Variants in PCDHGA9 observed in about 807,000 individuals in gnomAD.
PCDHGA9 encodes the protein protocadherin gamma subfamily A, 9, also known as protocadherin gamma-A9.
A neutral mutation model predicts 62.5 loss-of-function variants in PCDHGA9; 37 were observed. The observed-to-expected ratio is 0.59, with a 90% CI of 0.46 to 0.78. PCDHGA9 has a LOEUF of 0.78. Ranked by LOEUF, PCDHGA9 falls within the 30% of genes least tolerant of loss-of-function variation. The pLI is 0.00. For missense variants in PCDHGA9, 1,138 were observed against 1,166.2 expected (o/e 0.98, Z 0.35); for synonymous variants, 459 against 484.6 (o/e 0.95, Z 0.69).
At chr5:141,445,751 G>A (rs1211416281) in intron 1 of PCDHGA9, among the ~76,000 whole-genome samples, 1 of 152,102 alleles carries the variant, frequency 6.6e-6, no homozygotes, top group East Asian at 1.9e-4. Context: ...AAAAATAAAA[G>A]GTGTGACTCA....
intron 2 of PCDHGA9, 91 bp from the exon 3 acceptor site, chr5:141,505,302 G>C: frequency 6.3e-7 from 1 of 1,592,714 alleles, no homozygotes. Context: ...TAGGGTTAGG[G>C]TACTAGGTTT....
intron 1 of PCDHGA9, chr5:141,410,816 A>G (rs2095424614): frequency 1.8e-6 from 1 of 550,516 alleles, no homozygotes; most frequent in African/African-American, 2.1e-5. Flanking sequence ...TTTGTAAAAT[A>G]ATGTCACCAG....
At chr5:141,495,437 C>T (rs2099761356) in intron 2 of PCDHGA9, among the ~76,000 whole-genome samples, 1 of 152,178 alleles carries the variant, frequency 6.6e-6, no homozygotes, top group East Asian at 1.9e-4. Flanking sequence ...GTCCTCTGCC[C>T]CTACTTGTCC....
rs558972594 is a variant in PCDHGA9 at position 141,485,292 on chromosome 5, A to G, written c.2425-9515A>G. ...CGCTACCCGGTCCCAGAGGAGTCAC[A>G]GGAAGGGACTTTTGTAGGGAATGTC... On this transcript the variant is annotated intron_variant, in intron 1 of 3. Coordinates refer to ENST00000573521, the MANE Select transcript of PCDHGA9 (RefSeq NM_018921.3). The surrounding 1 kb of genome is among the most constrained non-coding windows in gnomAD (Gnocchi z 5.7). 1 of 1,614,120 alleles carries G rather than the reference A, an allele frequency of 6.2e-7. No individual in the cohort carries two copies. Among genetic ancestry groups the G allele is most frequent in the African/African-American group, 1.3e-5 (1 of 75,058 alleles).
rs1036126623 is a variant in PCDHGA9 at position 141,410,753 on chromosome 5, T to C, written c.2424+5377T>C. The stretch of plus-strand genomic sequence containing the variant: ...AGCTTTTTACAATATTTTCTCAATG[T>C]TTTTTCAATTATAGTTTTCACTATG... On this transcript the variant is annotated intron_variant, in intron 1 of 3. Coordinates refer to ENST00000573521, the MANE Select transcript of PCDHGA9 (RefSeq NM_018921.3). 2.4e-6 allele frequency: 3 copies of C among 1,229,812 alleles called. No homozygotes were observed. In the Admixed American group the frequency reaches 8.8e-5, roughly 36 times the overall value. The allele number at this position is 1,229,812 out of a possible 1,614,324, so 76.2% of individuals were successfully genotyped here. A position where few individuals can be genotyped will look rare whatever the true frequency, so the allele number is the denominator to read the frequency against.
intron 1 of PCDHGA9, chr5:141,422,178 G>A (rs1561799748): frequency 1.9e-6 from 3 of 1,563,306 alleles, no homozygotes; most frequent in Non-Finnish European, 1.7e-6. Flanking sequence ...GATTCTATGA[G>A]ATGGAAATTC....
At position 141,466,670 on chromosome 5, in the gene PCDHGA9, G is replaced by C. The variant is rs994949602; in HGVS notation, c.2425-28137G>C. On this transcript the variant is annotated intron_variant, in intron 1 of 3. Transcript: ENST00000573521. ...TTCACAAAACATCAGTGATTTCACC[G>C]TTCTTCCACTCAAGCTTCATCATAA... Among the ~76,000 whole-genome samples, 3 of 152,046 alleles carry C rather than the reference G, an allele frequency of 2.0e-5. No homozygotes were observed. The South Asian group carries it at 6.2e-4, about 32-fold the overall frequency.
At chr5:141,413,873 G>A (rs544856148) in intron 1 of PCDHGA9, 4 of 1,613,372 alleles carry the variant, frequency 2.5e-6, no homozygotes, top group Admixed American at 1.7e-5. Context: ...GTCCTTGTCA[G>A]TGTGACTGTC....
intron 2 of PCDHGA9, among the ~76,000 whole-genome samples, chr5:141,502,002 C>T (rs1434269040): frequency 1.3e-5 from 2 of 152,164 alleles, no homozygotes; most frequent in South Asian, 2.1e-4. Context: ...CCTGACAACC[C>T]GCATGCTCTC....
intron 1 of PCDHGA9, among the ~76,000 whole-genome samples, chr5:141,463,049 T>C (rs529642816): frequency 3.9e-4 from 60 of 152,326 alleles, no homozygotes; most frequent in African/African-American, 1.3e-3. Context: ...CAGCAGGGTC[T>C]CTTTATTATG....
chr5:141,414,222 A>G lies in PCDHGA9; in HGVS notation c.2424+8846A>G, dbSNP rs1038407271. 3.7e-6 allele frequency: 6 copies of G among 1,613,316 alleles called. No individual in the cohort carries two copies. The African/African-American group carries it at 5.3e-5, about 14-fold the overall frequency. On this transcript the variant is annotated intron_variant, in intron 1 of 3. Coordinates refer to ENST00000573521, the MANE Select transcript of PCDHGA9 (RefSeq NM_018921.3). ...TAGAAGATGTAAATGACAACAGTCC[A>G]GAGCTGACCATCACGTCTCTATTTA...
rs966291038 is a variant in PCDHGA9, at chr5:141,487,740, G to A, written c.2425-7067G>A. 4 of 1,562,290 alleles carry A rather than the reference G, an allele frequency of 2.6e-6. No individual in the cohort carries two copies. The highest frequency in any genetic ancestry group is 1.7e-6 in the Non-Finnish European group (2 of 1,151,972). On this transcript the variant is annotated intron_variant, in intron 1 of 3. Transcript: ENST00000573521. The surrounding 1 kb of genome is among the most constrained non-coding windows in gnomAD (Gnocchi z 5.0). ...CATAGTGATGTCACCATTTTTGTAAGAGGTAACTATGTGGTAGACGCTGTG... is the reference window on the plus strand; with the variant it reads ...CATAGTGATGTCACCATTTTTGTAAAAGGTAACTATGTGGTAGACGCTGTG...
Position 141,485,449 on chromosome 5 carries a change from A to G in PCDHGA9, c.2425-9358A>G, listed in dbSNP as rs2099613844. 6.2e-7 allele frequency: 1 copy of G among 1,614,054 alleles called. No homozygotes were observed. The highest frequency in any genetic ancestry group is 2.2e-5 in the East Asian group (1 of 44,876). On this transcript the variant is annotated intron_variant, in intron 1 of 3. Coordinates refer to ENST00000573521, the MANE Select transcript of PCDHGA9 (RefSeq NM_018921.3). The surrounding 1 kb of genome is among the most constrained non-coding windows in gnomAD (Gnocchi z 5.7). ...TGCTCATCAAGAACCCAATCGACCG[A>G]GAGGCACTGTGTGGGCTCAGTGCCA...
intron 1 of PCDHGA9, among the ~76,000 whole-genome samples, chr5:141,448,516 A>T (rs1210489939): frequency 3.9e-5 from 6 of 152,152 alleles, no homozygotes; most frequent in Non-Finnish European, 8.8e-5. Flanking sequence ...TTATAACTTT[A>T]TTAAGCATCC....
chr5:141,433,262 T>A, intron 1 of PCDHGA9: 1 of 1,339,436 alleles, frequency 7.5e-7, no homozygotes, highest in Non-Finnish European at 1.0e-6. Flanking sequence ...GGTACGATCA[T>A]AGCTCACTGC....
rs112808093 is a variant in PCDHGA9, at chr5:141,489,579, C to A, written c.2425-5228C>A. ...CAGTGCAGGTGGTGACTGAACACCC[C>A]CTGGAGCTAATCCGTGTAGAGGTAG... On this transcript the variant is annotated intron_variant, in intron 1 of 3. Coordinates refer to ENST00000573521, the MANE Select transcript of PCDHGA9 (RefSeq NM_018921.3). This position sits in a 1 kb window ranked among gnomAD's most constrained non-coding sequence, Gnocchi z 4.5. 1.2e-6 allele frequency: 2 copies of A among 1,613,922 alleles called. No individual in the cohort carries two copies. Among genetic ancestry groups the A allele is most frequent in the African/African-American group, 2.7e-5 (2 of 74,916 alleles).
At chr5:141,510,304 A>G (rs1030803209) in intron 3 of PCDHGA9, among the ~76,000 whole-genome samples, 1 of 151,732 alleles carries the variant, frequency 6.6e-6, no homozygotes, top group Non-Finnish European at 1.5e-5. Context: ...CTGTTTTGAA[A>G]TGGAGGCTTG....
intron 1 of PCDHGA9, chr5:141,409,017 G>T (rs745981387): frequency 3.1e-6 from 5 of 1,613,840 alleles, no homozygotes; most frequent in Non-Finnish European, 4.2e-6. Flanking sequence ...CAGGATGAGG[G>T]GGTCAATGCT....
intron 1 of PCDHGA9, among the ~76,000 whole-genome samples, chr5:141,453,490 G>A (rs921556476): frequency 6.6e-6 from 1 of 151,922 alleles, no homozygotes; most frequent in Admixed American, 6.6e-5. Flanking sequence ...TTAAAAAAAG[G>A]TGTACTCAGA....
Sources: allele counts gnomAD v4.1 joint callset (sites outside exome capture counted in the v4.1 genomes callset), GRCh38; gene constraint gnomAD v4.1.1; non-coding constraint Gnocchi (gnomAD v3.1); transcripts MANE v1.5; gene names NCBI Gene and HGNC (gene_info 2026-07-23, HGNC 2026-07-21).